SLC9C2: variants seen among roughly 807,000 people sequenced by gnomAD.
SLC9C2 encodes the protein solute carrier family 9 member C2 (putative).
SLC9C2 carries 75 observed loss-of-function variants against 140.2 expected under a neutral mutation model. That is an observed-to-expected ratio of 0.53 (90% CI 0.44 to 0.65). The LOEUF (loss-of-function observed/expected upper bound fraction) is 0.65. SLC9C2 is among the 30% of genes least tolerant of loss of function. SLC9C2 has a pLI of 0.00. For missense variants in SLC9C2, 1,074 were observed against 1,331.8 expected (o/e 0.81, Z 3.01); for synonymous variants, 375 against 420.9 (o/e 0.89, Z 1.34).
At chr1:173,574,636 G>C (rs1317243762) in intron 8 of SLC9C2, among the ~76,000 whole-genome samples, 1 of 149,244 alleles carries the variant, frequency 6.7e-6, no homozygotes, top group Non-Finnish European at 1.5e-5. Flanking sequence ...TCAGACTCCT[G>C]AGTAGCTGGG....
intron 9 of SLC9C2, among the ~76,000 whole-genome samples, chr1:173,563,216 G>A (rs1434278808): frequency 6.6e-6 from 1 of 151,802 alleles, no homozygotes; most frequent in Non-Finnish European, 1.5e-5. Flanking sequence ...GCCAGCTGAT[G>A]AGGGGGGCAG....
intron 13 of SLC9C2, among the ~76,000 whole-genome samples, chr1:173,541,335 A>C (rs1285305462): frequency 6.6e-6 from 1 of 152,246 alleles, no homozygotes; most frequent in Non-Finnish European, 1.5e-5. Context: ...TGCACTTAAT[A>C]CAGGAGCACC....
intron 18 of SLC9C2, among the ~76,000 whole-genome samples, chr1:173,529,601 C>T (rs1360138817): frequency 6.6e-6 from 1 of 150,806 alleles, no homozygotes; most frequent in Non-Finnish European, 1.5e-5. Flanking sequence ...ATACACCTTT[C>T]CAAGTGCCCT....
intron 9 of SLC9C2, among the ~76,000 whole-genome samples, chr1:173,557,780 T>C (rs1663812055): frequency 6.6e-6 from 1 of 152,170 alleles, no homozygotes; most frequent in African/African-American, 2.4e-5. Flanking sequence ...TGTTTGGAAT[T>C]GGGTAGTAAA....
rs932229860 is a variant in SLC9C2 at position 173,509,608 on chromosome 1, C to T, written c.2999G>A (p.Ser1000Asn). 1 of 1,595,222 alleles carries T rather than the reference C, an allele frequency of 6.3e-7. No individual in the cohort carries two copies. The highest frequency in any genetic ancestry group is 8.5e-7 in the Non-Finnish European group (1 of 1,173,896). Reference protein sequence around the residue: ...EYKIWLKLALSTAYQYFESSL... With the variant: ...EYKIWLKLALNTAYQYFESSL... Reference sequence around the variant, plus strand: ...TGATTCAAAATACTGATAGGCAGTACTGAGAGCAAGCTTTAGCCATATTTT... The same window carrying T: ...TGATTCAAAATACTGATAGGCAGTATTGAGAGCAAGCTTTAGCCATATTTT... The change falls in exon 24 of 28, where the codon AGT (serine) becomes AAT (asparagine). Residue 1000 changes from serine to asparagine, a missense_variant. By Grantham distance (46) the Ser-to-Asn change is conservative (BLOSUM62 1). Transcript: ENST00000367714.
At chr1:173,504,788 T>C (rs1219993766) in intron 26 of SLC9C2, among the ~76,000 whole-genome samples, 1 of 152,238 alleles carries the variant, frequency 6.6e-6, no homozygotes. Flanking sequence ...TATCAAGGCA[T>C]ACTCAAGGCA....
chr1:173,600,284 T>A, intron 2 of SLC9C2, 67 bp from the exon 3 acceptor site: 3 of 1,079,348 alleles, frequency 2.8e-6, no homozygotes, highest in Non-Finnish European at 4.1e-6. Flanking sequence ...TGTGTATCAC[T>A]TTTGCACCAT....
chr1:173,514,484 TTTTG>T, intron 23 of SLC9C2, among the ~76,000 whole-genome samples: 1 of 152,274 alleles, frequency 6.6e-6, no homozygotes, highest in African/African-American at 2.4e-5. Flanking sequence ...CCTGCTTTTT[TTTTG>T]TTTGTTTTCC....
At chr1:173,550,662 C>T (rs956561425) in intron 11 of SLC9C2, among the ~76,000 whole-genome samples, 1 of 151,762 alleles carries the variant, frequency 6.6e-6, no homozygotes, top group Admixed American at 6.6e-5. Context: ...TGGTCTCGAT[C>T]TCTTGACCTT....
At chr1:173,586,051 A>T (rs1310219492) in intron 5 of SLC9C2, among the ~76,000 whole-genome samples, 1 of 152,210 alleles carries the variant, frequency 6.6e-6, no homozygotes, top group Non-Finnish European at 1.5e-5. Context: ...ACTGCAATAA[A>T]TAACATTTAT....
Position 173,601,851 on chromosome 1 carries a change from C to T in SLC9C2, c.-75G>A, listed in dbSNP as rs886686060. The T allele has an allele frequency of 3.2e-6, 5 of 1,575,724 alleles. No homozygotes were observed. Among genetic ancestry groups the T allele is most frequent in the Non-Finnish European group, 4.3e-6 (5 of 1,156,456 alleles). ...TTATTGACACTTTCACTTCTGCATG[C>T]TAACCTGTATAGCATGCAAAAAGAA... On this transcript the variant is annotated 5_prime_UTR_variant, in exon 2 of 28. Coordinates refer to ENST00000367714, the MANE Select transcript of SLC9C2 (RefSeq NM_178527.4).
intron 1 of SLC9C2, among the ~76,000 whole-genome samples, 180 bp from the exon 2 acceptor site, chr1:173,602,035 G>T (rs183064379): frequency 6.6e-6 from 1 of 152,230 alleles, no homozygotes; most frequent in East Asian, 1.9e-4. Flanking sequence ...TAACAGCAGT[G>T]TTAGTGTTTA....
At chr1:173,532,441 A>G (rs1351060555) in intron 17 of SLC9C2, among the ~76,000 whole-genome samples, 1 of 152,208 alleles carries the variant, frequency 6.6e-6, no homozygotes, top group African/African-American at 2.4e-5. Context: ...TGAAACTGAA[A>G]GTATAAAAAT....
rs780904847 is a variant in SLC9C2 at position 173,534,593 on chromosome 1, T to C, written c.1865A>G (p.Tyr622Cys). The change falls in exon 16 of 28, where the codon TAT becomes TGT. Residue 622 changes from tyrosine to cysteine, a missense_variant. By Grantham distance (194) the Tyr-to-Cys change is radical. Coordinates refer to ENST00000367714, the MANE Select transcript of SLC9C2 (RefSeq NM_178527.4). ...TGGCCACAGATGTATTATCATAGGA[T>C]AAATATATATCAAATTTATAATCTG... ...TGQIINLIYI[Y>C]PMIIHLWPMA... 3 of 1,592,502 alleles carry C rather than the reference T, an allele frequency of 1.9e-6. No individual in the cohort carries two copies. The South Asian group carries it at 3.5e-5, about 18-fold the overall frequency.
chr1:173,555,759 C>T (rs1229627340), intron 10 of SLC9C2, among the ~76,000 whole-genome samples: 2 of 152,060 alleles, frequency 1.3e-5, no homozygotes, highest in East Asian at 3.9e-4. Flanking sequence ...CCAGATCGGG[C>T]CCACAGATAT....
chr1:173,586,154 G>A (rs567461629), intron 5 of SLC9C2, among the ~76,000 whole-genome samples: 32 of 151,878 alleles, frequency 2.1e-4, no homozygotes, highest in Non-Finnish European at 4.4e-4. Flanking sequence ...ACAAATGGTT[G>A]AAAGAATAAG....
At chr1:173,550,034 C>G (rs77355007) in intron 11 of SLC9C2, among the ~76,000 whole-genome samples, 1 of 152,138 alleles carries the variant, frequency 6.6e-6, no homozygotes, top group Non-Finnish European at 1.5e-5. Flanking sequence ...GCAAGACTTC[C>G]GGCATCAAAT....
intron 9 of SLC9C2, among the ~76,000 whole-genome samples, chr1:173,561,913 C>T: frequency 6.6e-6 from 1 of 151,584 alleles, no homozygotes; most frequent in East Asian, 1.9e-4. Flanking sequence ...TCCAACAATC[C>T]TGAACTGACC....
intron 9 of SLC9C2, among the ~76,000 whole-genome samples, chr1:173,564,068 G>A (rs1435154323): frequency 6.6e-6 from 1 of 152,104 alleles, no homozygotes; most frequent in Non-Finnish European, 1.5e-5. Context: ...GTATTCCATT[G>A]TGTATATGTA....
Sources: allele counts gnomAD v4.1 joint callset (sites outside exome capture counted in the v4.1 genomes callset), GRCh38; gene constraint gnomAD v4.1.1; transcripts MANE v1.5; gene names NCBI Gene and HGNC (gene_info 2026-07-23, HGNC 2026-07-21).